Variants in GPC4 observed in about 807,000 individuals in gnomAD.
GPC4 encodes glypican-4.
In GPC4, 10 loss-of-function variants were observed where a neutral mutation model predicts 35.0. The ratio of observed to expected loss-of-function variants is 0.29; its 90% CI spans 0.18 to 0.48. The LOEUF (loss-of-function observed/expected upper bound fraction) is 0.48, where lower values mean the gene tolerates loss of function less well. Ranked by LOEUF, GPC4 falls within the 20% of genes least tolerant of loss-of-function variation. The probability of loss-of-function intolerance (pLI) is 0.99; values close to 1 mark genes in which losing one functional copy is unlikely to be tolerated. For missense variants in GPC4, 322 were observed against 451.3 expected (o/e 0.71, Z 2.60); for synonymous variants, 167 against 170.2 (o/e 0.98, Z 0.15).
At chrX:133,386,855 A>G (rs1229020118) in intron 1 of GPC4, among the ~76,000 whole-genome samples, 1 of 111,375 alleles carries the variant, frequency 9.0e-6, no homozygotes, top group Admixed American at 9.6e-5. Flanking sequence ...ATGCTAATCC[A>G]CCCAATGCTT....
At position 133,336,255 on chromosome X, in the gene GPC4, C is replaced by T. The variant is rs182293922; in HGVS notation, c.319+2928G>A. ...AGCCTTAAAAATTAGTCAATCATCG[C>T]CAGGCGCGGTGGCTCATGCCTGTAA... On this transcript the variant is annotated intron_variant, in intron 2 of 8. Coordinates refer to ENST00000370828, the MANE Select transcript of GPC4 (RefSeq NM_001448.3). 1.7e-4 allele frequency among the ~76,000 whole-genome samples: 19 copies of T among 111,482 alleles called. No homozygotes were observed. The East Asian group carries it at 5.4e-3, about 32-fold the overall frequency.
rs775620830 is a variant in GPC4, at chrX:133,302,878, C to T, written c.1660G>A (p.Glu554Lys). 2.1e-5 allele frequency: 25 copies of T among 1,208,720 alleles called. No individual in the cohort carries two copies. The South Asian group carries it at 4.2e-4, about 20-fold the overall frequency. Residue 554 changes from glutamate to lysine, a missense_variant, in exon 9 of 9, where the codon GAG becomes AAG. By Grantham distance (56) the Glu-to-Lys change is moderately conservative (BLOSUM62 1). Around this residue, in one of 3 missense-constraint regions of GPC4, gnomAD observed 99 missense variants for 110.0 expected, o/e 0.90. Transcript: ENST00000370828. Reference protein sequence around the residue: ...FCILFLVMQREWR With the variant: ...FCILFLVMQRKWR Reference sequence around the variant, plus strand: ...TCAGAGTTTGAGAATTATCTCCACTCTCTCTGCATAACCAGGAACAAGATG... The same window carrying T: ...TCAGAGTTTGAGAATTATCTCCACTTTCTCTGCATAACCAGGAACAAGATG...
intron 7 of GPC4, among the ~76,000 whole-genome samples, chrX:133,303,783 C>T (rs1027941642): frequency 1.8e-5 from 2 of 110,228 alleles, no homozygotes; most frequent in Non-Finnish European, 3.8e-5. Context: ...ACCCAGGAGG[C>T]GAAGGTTGCA....
rs548429817 is a variant in GPC4, at chrX:133,352,718, C to T, written c.161-13377G>A. 1.4e-4 allele frequency among the ~76,000 whole-genome samples: 15 copies of T among 111,074 alleles called. No individual in the cohort carries two copies. In the South Asian group the frequency reaches 1.9e-3, roughly 14 times the overall value. On this transcript the variant is annotated intron_variant, in intron 1 of 8. Coordinates refer to ENST00000370828, the MANE Select transcript of GPC4 (RefSeq NM_001448.3). ...CAAGTGACTGATATATACTCAACAA[C>T]GAACAATTTGAGATACCACCCAGTG...
rs1603053378 is a variant in GPC4, at chrX:133,303,196, T to C, written c.1438A>G (p.Asn480Asp). ...TCAAAGAAGTCCACGTCGTTCCCAT[T>C]GTATGCATTCTTCATCTTGCTGGTC... Reference protein sequence around the residue: ...VMTSKMKNAYNGNDVDFFDIS... With the variant: ...VMTSKMKNAYDGNDVDFFDIS... The change falls in exon 8 of 9, where the codon AAT (asparagine) becomes GAT (aspartate). Residue 480 changes from asparagine (N) to aspartate (D), a missense_variant. Physicochemically the swap from Asn to Asp is conservative, Grantham distance 23. Coordinates refer to ENST00000370828, the MANE Select transcript of GPC4 (RefSeq NM_001448.3). 3.9e-5 allele frequency: 47 copies of C among 1,210,198 alleles called. No individual in the cohort carries two copies. In the East Asian group the frequency reaches 1.4e-3, roughly 36 times the overall value.
chrX:133,334,869 C>T (rs1569345580), intron 2 of GPC4, among the ~76,000 whole-genome samples: 3 of 112,318 alleles, frequency 2.7e-5, no homozygotes, highest in African/African-American at 9.7e-5. Flanking sequence ...TTGATACAGG[C>T]AGTTATGTAG....
intron 2 of GPC4, among the ~76,000 whole-genome samples, chrX:133,328,093 C>T (rs2068402641): frequency 9.0e-6 from 1 of 111,047 alleles, no homozygotes; most frequent in African/African-American, 3.3e-5. Context: ...CTGCCACTCT[C>T]CACATACGGT....
intron 1 of GPC4, among the ~76,000 whole-genome samples, chrX:133,360,959 T>C (rs12393980): frequency 0.019 from 2,097 of 112,082 alleles, 56 homozygotes; most frequent in African/African-American, 0.063. Flanking sequence ...GGAGAATAAA[T>C]ACTTTAGAAA....
chrX:133,402,040 A>C (rs763822443), intron 1 of GPC4, among the ~76,000 whole-genome samples: 10 of 112,347 alleles, frequency 8.9e-5, no homozygotes, highest in Admixed American at 3.8e-4. Context: ...ATTTGACTAT[A>C]AATTGTAAGG....
At chrX:133,328,724 A>T (rs749212305) in intron 2 of GPC4, among the ~76,000 whole-genome samples, 2 of 111,392 alleles carry the variant, frequency 1.8e-5, no homozygotes, top group Non-Finnish European at 3.8e-5. Flanking sequence ...CATAATCATT[A>T]TGCCTGAAAC....
intron 1 of GPC4, among the ~76,000 whole-genome samples, chrX:133,409,345 A>T (rs2124187389): frequency 1.3e-5 from 1 of 77,139 alleles, no homozygotes; most frequent in Non-Finnish European, 2.4e-5. Context: ...AAAAAAAAAA[A>T]AAAAAAAAAA....
At chrX:133,375,934 T>TA (rs2068631138) in intron 1 of GPC4, among the ~76,000 whole-genome samples, 1 of 111,457 alleles carries the variant, frequency 9.0e-6, no homozygotes, top group Non-Finnish European at 1.9e-5. Flanking sequence ...TTTGCAACAG[T>TA]AAAAACTCGT....
At position 133,414,605 on chromosome X, in the gene GPC4, G is replaced by C. The variant is rs2068829695; in HGVS notation, c.160+201C>G. The C allele has an allele frequency of 4.0e-6, 3 of 752,755 alleles. No homozygotes were observed. In the African/African-American group the frequency reaches 6.9e-5, roughly 17 times the overall value. The allele number at this position is 752,755 out of a possible 1,213,427, so 62.0% of individuals were successfully genotyped here. A position where few individuals can be genotyped will look rare whatever the true frequency, so the allele number is the denominator to read the frequency against. ...TCCGCTCGCAGTGCTGGGAAGGGGG[G>C]AGCGCTGCGCCCGCGGGGAACGTCC... is the stretch of plus-strand genomic sequence containing the variant. On this transcript the variant is annotated intron_variant, in intron 1 of 8. Transcript: ENST00000370828.
At chrX:133,409,242 G>C (rs927425875) in intron 1 of GPC4, among the ~76,000 whole-genome samples, 1 of 99,044 alleles carries the variant, frequency 1.0e-5, no homozygotes, top group African/African-American at 3.6e-5. Context: ...AGAATTGCTT[G>C]AGCCTGGGAG....
intron 1 of GPC4, among the ~76,000 whole-genome samples, chrX:133,378,135 C>G (rs1705312602): frequency 9.0e-6 from 1 of 110,893 alleles, no homozygotes; most frequent in Admixed American, 9.5e-5. Flanking sequence ...ATCTGCCCAC[C>G]TTGGCCTCCC....
chrX:133,349,044 T>G (rs1029532316), intron 1 of GPC4, among the ~76,000 whole-genome samples: 2 of 112,085 alleles, frequency 1.8e-5, no homozygotes, highest in African/African-American at 3.2e-5. Context: ...GGTGAGGACT[T>G]TTTTTCCCTC....
intron 1 of GPC4, among the ~76,000 whole-genome samples, chrX:133,375,943 G>A (rs186086374): frequency 9.0e-5 from 10 of 111,698 alleles, no homozygotes; most frequent in African/African-American, 2.6e-4. Context: ...GTAAAAACTC[G>A]TTTAGGAAGG....
chrX:133,341,966 C>T (rs111296838), intron 1 of GPC4, among the ~76,000 whole-genome samples: 25 of 108,724 alleles, frequency 2.3e-4, no homozygotes, highest in Middle Eastern at 4.7e-3. Flanking sequence ...ACCAGTGACC[C>T]TCAAGCAGAA....
At chrX:133,358,776 C>A (rs1285455768) in intron 1 of GPC4, among the ~76,000 whole-genome samples, 1 of 111,094 alleles carries the variant, frequency 9.0e-6, no homozygotes, top group Non-Finnish European at 1.9e-5. Flanking sequence ...CGGATCACCT[C>A]CCTTATACTC....
Sources: gnomAD v4.1 joint callset for allele counts (sites outside exome capture counted in the v4.1 genomes callset) on GRCh38, gnomAD v4.1.1 for gene constraint, gnomAD v4.1.1 regional missense constraint, MANE v1.5 for transcripts, NCBI Gene and HGNC (gene_info 2026-07-23, HGNC 2026-07-21) for gene names.